INTU: variants seen among roughly 807,000 people sequenced by gnomAD.
INTU encodes inturned planar cell polarity protein, also known as protein inturned.
In INTU, 68 loss-of-function variants were observed where a neutral mutation model predicts 100.5. That is an observed-to-expected ratio of 0.68 (90% confidence interval 0.56 to 0.83). INTU has a LOEUF of 0.83. INTU is among the 40% of genes least tolerant of loss of function. The pLI is 0.00. For synonymous variants in INTU, 357 were observed against 395.7 expected (o/e 0.90, Z 1.16); for missense variants, 1,071 against 1,114.7 (o/e 0.96, Z 0.56).
At chr4:127,707,665 C>A (rs1195426448) in intron 12 of INTU, among the ~76,000 whole-genome samples, 1 of 151,616 alleles carries the variant, frequency 6.6e-6, no homozygotes, top group Non-Finnish European at 1.5e-5. Flanking sequence ...GTGTGTATGT[C>A]TCTGTGTGTA....
Position 127,643,789 on chromosome 4 carries a change from G to A in INTU, c.415G>A (p.Val139Ile). The change falls in exon 2 of 16, where the codon GTA (valine) becomes ATA (isoleucine). Residue 139 changes from valine to isoleucine, a missense_variant. Transcript: ENST00000335251. Reference sequence around the variant, plus strand: ...AAAAAATAGCAATGACAATGGACCAGTATCCATTCTAAAGCATCAGTCCAA... The same window carrying A: ...AAAAAATAGCAATGACAATGGACCAATATCCATTCTAAAGCATCAGTCCAA... The part of the protein sequence containing the change: ...NKKNSNDNGP[V>I]SILKHQSNQK... 3 of 1,614,046 alleles carry A rather than the reference G, an allele frequency of 1.9e-6. No homozygotes were observed. Among genetic ancestry groups the A allele is most frequent in the South Asian group, 2.2e-5 (2 of 91,078 alleles).
At chr4:127,713,165 C>T (rs1578641265) in intron 14 of INTU, among the ~76,000 whole-genome samples, 1 of 152,266 alleles carries the variant, frequency 6.6e-6, no homozygotes, top group South Asian at 2.1e-4. Context: ...TAAAGGATCA[C>T]TCAGGCTACT....
At chr4:127,679,454 C>G (rs1285111568) in intron 6 of INTU, among the ~76,000 whole-genome samples, 1 of 152,174 alleles carries the variant, frequency 6.6e-6, no homozygotes, top group Non-Finnish European at 1.5e-5. Flanking sequence ...GAAACTCACT[C>G]AAAACCGCTC....
chr4:127,703,371 A>G (rs1470830474), intron 9 of INTU, among the ~76,000 whole-genome samples: 1 of 152,168 alleles, frequency 6.6e-6, no homozygotes. Context: ...AAAAGCAAAT[A>G]CCTTCGCTTA....
chr4:127,716,180 T>C, intron 15 of INTU, 145 bp from the exon 16 acceptor site: 1 of 454,446 alleles, frequency 2.2e-6, no homozygotes, highest in Non-Finnish European at 3.9e-6. Flanking sequence ...ATCTAGCTGC[T>C]TTCTCCCTAG....
intron 4 of INTU, among the ~76,000 whole-genome samples, chr4:127,665,802 C>G (rs536198699): frequency 3.0e-4 from 46 of 152,240 alleles, no homozygotes; most frequent in Non-Finnish European, 4.9e-4. Flanking sequence ...AAAGAAGTAT[C>G]ATCATTTCTG....
intron 1 of INTU, among the ~76,000 whole-genome samples, chr4:127,635,284 G>A (rs867266202): frequency 1.7e-4 from 26 of 152,174 alleles, no homozygotes; most frequent in South Asian, 1.7e-3. Context: ...TATGTCTTAA[G>A]TTGACACATG....
intron 4 of INTU, among the ~76,000 whole-genome samples, chr4:127,667,437 CT>C (rs36084652): frequency 6.6e-6 from 1 of 151,962 alleles, no homozygotes; most frequent in Non-Finnish European, 1.5e-5. Flanking sequence ...CTCAAAAGAC[CT>C]TTTTTAACTG....
chr4:127,692,043 C>T (rs1055130912), intron 8 of INTU, among the ~76,000 whole-genome samples: 7 of 146,872 alleles, frequency 4.8e-5, no homozygotes, highest in East Asian at 2.0e-4. Flanking sequence ...TTTGTAATTG[C>T]GAATTGTGCT....
intron 15 of INTU, 62 bp from the exon 16 acceptor site, chr4:127,716,263 G>C (rs1009167712): frequency 1.9e-5 from 14 of 728,016 alleles, no homozygotes; most frequent in African/African-American, 3.6e-5. Context: ...TAATTGGATG[G>C]TTAGAGTTTT....
At chr4:127,672,830 T>G (rs1395009462) in intron 5 of INTU, among the ~76,000 whole-genome samples, 1 of 152,198 alleles carries the variant, frequency 6.6e-6, no homozygotes. Context: ...TAAGTTCTCT[T>G]TATTATCATA....
chr4:127,701,803 G>A (rs1048304745), intron 9 of INTU, among the ~76,000 whole-genome samples: 7 of 152,142 alleles, frequency 4.6e-5, no homozygotes, highest in Non-Finnish European at 1.0e-4. Flanking sequence ...GGGAAGTAAG[G>A]AGGTAAAAGC....
At chr4:127,665,143 C>G (rs551729215) in intron 4 of INTU, among the ~76,000 whole-genome samples, 3 of 150,802 alleles carry the variant, frequency 2.0e-5, no homozygotes, top group South Asian at 2.1e-4. Flanking sequence ...AGTGCTATCT[C>G]TTTTCTCCAT....
intron 6 of INTU, 132 bp downstream of exon 6, chr4:127,674,345 G>C: frequency 3.1e-6 from 2 of 647,878 alleles, no homozygotes; most frequent in East Asian, 5.7e-5. Flanking sequence ...TATTGCACTA[G>C]TAAAATAGTT....
At chr4:127,656,495 C>A in intron 2 of INTU, 141 bp from the exon 3 acceptor site, 1 of 588,914 alleles carries the variant, frequency 1.7e-6, no homozygotes, top group Non-Finnish European at 3.1e-6. Flanking sequence ...CTGTATAAAC[C>A]TGGACAAGTT....
chr4:127,663,587 G>T lies in INTU; in HGVS notation c.972+3G>T, dbSNP rs1728571237. The T allele has an allele frequency of 6.2e-7, 1 of 1,611,492 alleles. No homozygotes were observed. The highest frequency in any genetic ancestry group is 1.1e-5 in the South Asian group (1 of 90,796). ...ACTCAGAAACCTCAAAGGAAGAGGT[G>T]AGTGTCCTCAAAAGTCCAAAGGAAA... On this transcript the variant is annotated splice_donor_region_variant and intron_variant, in intron 4 of 15. Transcript: ENST00000335251.
chr4:127,680,167 C>A (rs909167393), intron 6 of INTU, among the ~76,000 whole-genome samples: 13 of 152,054 alleles, frequency 8.5e-5, no homozygotes, highest in Admixed American at 7.2e-4. Context: ...CTGAATTCTA[C>A]CAGAGGTACA....
intron 4 of INTU, among the ~76,000 whole-genome samples, chr4:127,667,859 A>G (rs2126205055): frequency 6.6e-6 from 1 of 152,214 alleles, no homozygotes; most frequent in South Asian, 2.1e-4. Flanking sequence ...TAAGTATAAA[A>G]AGCAGATGTC....
Position 127,632,957 on chromosome 4 carries a change from A to G in INTU, c.-78A>G. On this transcript the variant is annotated 5_prime_UTR_variant, in exon 1 of 16. Transcript: ENST00000335251. ...ACATGGCCTCTGCCCCTTCCCAAGC[A>G]GAGGCAACATGGCGGCCTTAGCAAG... 6.8e-7 allele frequency: 1 copy of G among 1,468,292 alleles called. No homozygotes were observed. Among genetic ancestry groups the G allele is most frequent in the Admixed American group, 1.9e-5 (1 of 52,216 alleles). The allele number at this position is 1,468,292 out of a possible 1,614,324, so 91.0% of individuals were successfully genotyped here.
Sources: allele counts gnomAD v4.1 joint callset (sites outside exome capture counted in the v4.1 genomes callset), GRCh38; gene constraint gnomAD v4.1.1; transcripts MANE v1.5; gene names NCBI Gene and HGNC (gene_info 2026-07-23, HGNC 2026-07-21).